Variants in PLCB1 observed in about 807,000 individuals in gnomAD.
PLCB1 encodes the protein phospholipase C beta 1, also known as 1-phosphatidylinositol 4,5-bisphosphate phosphodiesterase beta-1.
A neutral mutation model predicts 161.8 loss-of-function variants in PLCB1; 46 were observed. That is an observed-to-expected ratio of 0.28 (90% CI 0.22 to 0.36). The LOEUF is 0.36. PLCB1 is among the 10% of genes least tolerant of loss of function. PLCB1 has a pLI of 1.00. For synonymous variants in PLCB1, 517 were observed against 503.7 expected (o/e 1.03, Z -0.35); for missense variants, 1,016 against 1,472.5 (o/e 0.69, Z 5.07).
At chr20:8,467,624 T>A (rs1981876185) in intron 3 of PLCB1, among the ~76,000 whole-genome samples, 1 of 152,172 alleles carries the variant, frequency 6.6e-6, no homozygotes, top group Admixed American at 6.5e-5. Context: ...CAGTGTTATA[T>A]TTGAGTTCCT....
At position 8,657,226 on chromosome 20, in the gene PLCB1, A is replaced by G. The variant is rs200713241; in HGVS notation, c.637A>G (p.Arg213Gly). The change falls in exon 8 of 32, where the codon AGA (arginine) becomes GGA (glycine). Residue 213 changes from arginine (R) to glycine (G), a missense_variant. Arg to Gly is a moderately radical substitution (Grantham distance 125, BLOSUM62 -2). Coordinates refer to ENST00000338037, the MANE Select transcript of PLCB1 (RefSeq NM_015192.4). ...AGAAGATTTCACTCCAGAAGTGTAC[A>G]GAGTTTTCCTCAACAACCTTTGCCC... ...PQEDFTPEVYRVFLNNLCPRP... is the reference protein window; with the variant it reads ...PQEDFTPEVYGVFLNNLCPRP... The G allele has an allele frequency of 1.2e-6, 2 of 1,610,790 alleles. No individual in the cohort carries two copies. Among genetic ancestry groups the G allele is most frequent in the East Asian group, 2.2e-5 (1 of 44,856 alleles).
chr20:8,331,657 A>G (rs994027490), intron 2 of PLCB1, among the ~76,000 whole-genome samples: 10 of 152,224 alleles, frequency 6.6e-5, no homozygotes, highest in Non-Finnish European at 1.3e-4. Flanking sequence ...TTGATCCTAA[A>G]CAAAGAGCTT....
At chr20:8,472,128 A>G (rs1982078951) in intron 3 of PLCB1, among the ~76,000 whole-genome samples, 1 of 152,218 alleles carries the variant, frequency 6.6e-6, no homozygotes, top group African/African-American at 2.4e-5. Flanking sequence ...TGTGTCCATT[A>G]GGAAATTTAG....
At chr20:8,837,084 A>C (rs546139022) in intron 31 of PLCB1, among the ~76,000 whole-genome samples, 3 of 152,214 alleles carry the variant, frequency 2.0e-5, no homozygotes, top group African/African-American at 7.2e-5. Flanking sequence ...GAGCCCCTAA[A>C]TTATGATGAG....
intron 9 of PLCB1, among the ~76,000 whole-genome samples, chr20:8,668,885 A>G (rs1345698143): frequency 1.3e-5 from 2 of 152,222 alleles, no homozygotes; most frequent in Non-Finnish European, 2.9e-5. Flanking sequence ...AGCTTTAACA[A>G]GAATCTCCAG....
intron 2 of PLCB1, among the ~76,000 whole-genome samples, chr20:8,217,203 T>C (rs971873761): frequency 6.6e-6 from 1 of 152,104 alleles, no homozygotes; most frequent in Non-Finnish European, 1.5e-5. Flanking sequence ...TGTGTTACAG[T>C]TCTGAGTAAA....
rs116751813 is a variant in PLCB1, at chr20:8,475,043, A to G, written c.246+103593A>G. Among the ~76,000 whole-genome samples, 175 of 152,094 alleles carry G rather than the reference A, an allele frequency of 1.2e-3. 2 individuals carry two copies. The highest frequency in any genetic ancestry group is 4.1e-3 in the African/African-American group (170 of 41,468). ...CACACACACACACACAGACACACAC[A>G]CACACTCTTTAGTATATTTGGCAAG... On this transcript the variant is annotated intron_variant, in intron 3 of 31. Coordinates refer to ENST00000338037, the MANE Select transcript of PLCB1 (RefSeq NM_015192.4).
chr20:8,653,448 A>G (rs1043687547), intron 7 of PLCB1: 1 of 151,976 alleles, frequency 6.6e-6, no homozygotes, highest in African/African-American at 2.4e-5. Context: ...GTTCATTATG[A>G]GTGATTTACT....
intron 23 of PLCB1, among the ~76,000 whole-genome samples, chr20:8,756,023 T>C (rs1981718205): frequency 6.6e-6 from 1 of 152,224 alleles, no homozygotes; most frequent in South Asian, 2.1e-4. Context: ...GTTTTTCTTA[T>C]CAGGCATTTA....
chr20:8,321,214 CT>C (rs916486325), intron 2 of PLCB1, among the ~76,000 whole-genome samples: 10 of 152,144 alleles, frequency 6.6e-5, no homozygotes, highest in Non-Finnish European at 1.5e-5. Context: ...AACTGTTCTC[CT>C]TTTTTTGTTT....
chr20:8,786,784 A>G (rs1257453132), intron 27 of PLCB1, among the ~76,000 whole-genome samples: 1 of 151,234 alleles, frequency 6.6e-6, no homozygotes, highest in Non-Finnish European at 1.5e-5. Flanking sequence ...GCTCACTGCA[A>G]CCTCCACCTC....
At chr20:8,647,828 T>C (rs567644129) in intron 5 of PLCB1, 72 bp from the exon 6 acceptor site, 3 of 1,148,112 alleles carry the variant, frequency 2.6e-6, no homozygotes, top group Middle Eastern at 2.3e-4. Flanking sequence ...CTTTTTTGAG[T>C]GTATTTTATT....
At chr20:8,218,538 G>A (rs1300032363) in intron 2 of PLCB1, among the ~76,000 whole-genome samples, 3 of 152,042 alleles carry the variant, frequency 2.0e-5, no homozygotes, top group African/African-American at 2.4e-5. Context: ...TGTACACTGG[G>A]AGTAATAATA....
At position 8,666,955 on chromosome 20, in the gene PLCB1, G is replaced by C. The variant is rs568240444; in HGVS notation, c.862+8251G>C. 4.6e-5 allele frequency among the ~76,000 whole-genome samples: 7 copies of C among 152,150 alleles called. No homozygotes were observed. The East Asian group carries it at 1.4e-3, about 29-fold the overall frequency. On this transcript the variant is annotated intron_variant, in intron 9 of 31. Transcript: ENST00000338037. Reference sequence around the variant, plus strand: ...GCAGGGATGTCTGCCCAAACCCAGGGATATTCAGGATACTCAGTTTAAAAA... The same window carrying C: ...GCAGGGATGTCTGCCCAAACCCAGGCATATTCAGGATACTCAGTTTAAAAA...
At chr20:8,517,043 A>C (rs186280236) in intron 3 of PLCB1, among the ~76,000 whole-genome samples, 215 of 151,996 alleles carry the variant, frequency 1.4e-3, no homozygotes, top group African/African-American at 5.0e-3. Flanking sequence ...GCTAGAGCTG[A>C]CTCTTGAAGG....
chr20:8,724,431 C>T (rs1031677117), intron 15 of PLCB1, among the ~76,000 whole-genome samples: 1 of 152,064 alleles, frequency 6.6e-6, no homozygotes, highest in Non-Finnish European at 1.5e-5. Flanking sequence ...ATGTTGGGGC[C>T]ATGCTGCCAG....
chr20:8,706,771 A>C (rs1463750235), intron 11 of PLCB1, among the ~76,000 whole-genome samples: 2 of 152,184 alleles, frequency 1.3e-5, no homozygotes, highest in Admixed American at 1.3e-4. Context: ...TCTATGACTT[A>C]AGGTAAGTCA....
intron 12 of PLCB1, among the ~76,000 whole-genome samples, chr20:8,709,086 T>G (rs1250923128): frequency 6.6e-6 from 1 of 152,194 alleles, no homozygotes; most frequent in Non-Finnish European, 1.5e-5. Flanking sequence ...ATAACCCTTC[T>G]TCATTAGCTC....
At chr20:8,771,405 G>C (rs939190828) in intron 26 of PLCB1, among the ~76,000 whole-genome samples, 6 of 152,086 alleles carry the variant, frequency 3.9e-5, no homozygotes, top group African/African-American at 1.4e-4. Flanking sequence ...GACAGCGCCA[G>C]CCATTTAATG....
Sources: allele counts gnomAD v4.1 joint callset (sites outside exome capture counted in the v4.1 genomes callset), GRCh38; gene constraint gnomAD v4.1.1; transcripts MANE v1.5; gene names NCBI Gene and HGNC (gene_info 2026-07-23, HGNC 2026-07-21).